The following TSHZ3 variants were observed in gnomAD, a reference collection of about 807,000 sequenced individuals.
TSHZ3 encodes teashirt zinc finger homeobox 3.
Under a neutral mutation model 64.5 loss-of-function variants are expected in TSHZ3, and 10 were observed. The observed-to-expected ratio is 0.16, with a 90% CI of 0.10 to 0.26. TSHZ3 has a LOEUF of 0.26. Ranked by LOEUF, TSHZ3 falls within the 10% of genes least tolerant of loss-of-function variation. The pLI is 1.00. For synonymous variants in TSHZ3, 608 were observed against 593.1 expected, an observed-to-expected ratio of 1.03 and a Z score of -0.36; for missense variants, 1,242 against 1,421.7, an observed-to-expected ratio of 0.87 and a Z score of 2.03.
At chr19:31,318,876 A>G (rs1353654317) in intron 1 of TSHZ3, among the ~76,000 whole-genome samples, 2 of 152,210 alleles carry the variant, frequency 1.3e-5, no homozygotes, top group Non-Finnish European at 2.9e-5. Context: ...CCGGTCACCA[A>G]TACTGTGGCA....
intron 1 of TSHZ3, among the ~76,000 whole-genome samples, chr19:31,295,624 G>T (rs1050691037): frequency 2.6e-5 from 4 of 152,140 alleles, no homozygotes; most frequent in Non-Finnish European, 5.9e-5. Flanking sequence ...GTGGTGGCTG[G>T]GGAAGGGCTG....
intron 1 of TSHZ3, among the ~76,000 whole-genome samples, chr19:31,243,202 A>G (rs181470926): frequency 6.8e-4 from 104 of 152,362 alleles, no homozygotes; most frequent in African/African-American, 2.4e-3. Context: ...ATATGGATTA[A>G]GAGAAGTATA....
intron 5 of TSHZ3, among the ~76,000 whole-genome samples, chr19:31,196,740 G>A (rs1438639800): frequency 6.6e-6 from 1 of 151,926 alleles, no homozygotes; most frequent in African/African-American, 2.4e-5. Context: ...AATGATGAAG[G>A]AGTCAATTCT....
At chr19:31,236,162 C>A (rs759681878) in intron 3 of TSHZ3, among the ~76,000 whole-genome samples, 1 of 152,146 alleles carries the variant, frequency 6.6e-6, no homozygotes, top group East Asian at 1.9e-4. Flanking sequence ...CTAGGTCATG[C>A]GACAGGTCTA....
chr19:31,263,398 C>T (rs1976007161), intron 1 of TSHZ3, among the ~76,000 whole-genome samples: 2 of 152,154 alleles, frequency 1.3e-5, no homozygotes, highest in Admixed American at 6.5e-5. Flanking sequence ...GACAGCAGCC[C>T]CTCTCCTCTT....
At chr19:31,223,226 A>G (rs1002592532) in intron 4 of TSHZ3, among the ~76,000 whole-genome samples, 5 of 152,302 alleles carry the variant, frequency 3.3e-5, no homozygotes, top group African/African-American at 1.2e-4. Flanking sequence ...ATAAGAATCA[A>G]AGGTTTACCA....
At chr19:31,308,581 G>T in intron 1 of TSHZ3, 1 of 398,340 alleles carries the variant, frequency 2.5e-6, no homozygotes, top group South Asian at 1.3e-4. Flanking sequence ...AGGTTTCGGA[G>T]CTCTGGGGTT....
chr19:31,255,796 T>A (rs1484179075), intron 1 of TSHZ3, among the ~76,000 whole-genome samples: 1 of 152,170 alleles, frequency 6.6e-6, no homozygotes, highest in Non-Finnish European at 1.5e-5. Context: ...GGGCATCTCA[T>A]GGCCTCTACA....
intron 3 of TSHZ3, among the ~76,000 whole-genome samples, chr19:31,230,645 G>A (rs950896740): frequency 1.3e-5 from 2 of 151,036 alleles, no homozygotes; most frequent in Non-Finnish European, 2.9e-5. Context: ...TCAGGGCCAC[G>A]GTCCTGGAGT....
At chr19:31,179,691 G>A (rs985512243) in intron 5 of TSHZ3, among the ~76,000 whole-genome samples, 1 of 151,166 alleles carries the variant, frequency 6.6e-6, no homozygotes, top group Non-Finnish European at 1.5e-5. Context: ...AGTGATAATT[G>A]TGGTGGTGGT....
intron 1 of TSHZ3, among the ~76,000 whole-genome samples, chr19:31,319,431 T>TGA (rs1011716951): frequency 3.7e-4 from 56 of 152,314 alleles, no homozygotes; most frequent in Non-Finnish European, 4.4e-5. Flanking sequence ...GATCACTTGG[T>TGA]GAGACACAAA....
chr19:31,178,875 C>A (rs1332869578), intron 5 of TSHZ3, among the ~76,000 whole-genome samples: 2 of 152,126 alleles, frequency 1.3e-5, no homozygotes, highest in Non-Finnish European at 2.9e-5. Flanking sequence ...GATGCAAACA[C>A]CACGTGCTTC....
chr19:31,199,816 T>C (rs953508670), intron 5 of TSHZ3, among the ~76,000 whole-genome samples: 6 of 140,668 alleles, frequency 4.3e-5, no homozygotes, highest in African/African-American at 1.6e-4. Context: ...GCAAAAGACA[T>C]ATCTGATAGA....
At chr19:31,311,765 C>A (rs904801333) in intron 1 of TSHZ3, among the ~76,000 whole-genome samples, 1 of 152,088 alleles carries the variant, frequency 6.6e-6, no homozygotes, top group Non-Finnish European at 1.5e-5. Flanking sequence ...TCTCTGTTGC[C>A]CAGGCTGGAG....
chr19:31,240,874 G>A (rs1231035888), intron 3 of TSHZ3, among the ~76,000 whole-genome samples: 2 of 151,836 alleles, frequency 1.3e-5, no homozygotes, highest in African/African-American at 4.8e-5. Context: ...TTGATTTTTT[G>A]TATAGTTTAC....
intron 5 of TSHZ3, among the ~76,000 whole-genome samples, chr19:31,173,220 T>C (rs1398588061): frequency 6.6e-6 from 1 of 152,182 alleles, no homozygotes; most frequent in African/African-American, 2.4e-5. Flanking sequence ...TGTGGAAATA[T>C]TCTAAAGGCA....
chr19:31,219,816 T>C (rs1975376203), intron 4 of TSHZ3, among the ~76,000 whole-genome samples: 1 of 149,206 alleles, frequency 6.7e-6, no homozygotes, highest in Non-Finnish European at 1.5e-5. Flanking sequence ...TGTATATATA[T>C]AAAAAATATA....
intron 6 of TSHZ3, among the ~76,000 whole-genome samples, chr19:31,152,759 T>C (rs1410421134): frequency 6.6e-6 from 1 of 152,148 alleles, no homozygotes; most frequent in Non-Finnish European, 1.5e-5. Context: ...CTGTGCTTCC[T>C]TGCTGTGAAA....
At chr19:31,241,549 T>C (rs1479892004) in intron 3 of TSHZ3, among the ~76,000 whole-genome samples, 1 of 152,216 alleles carries the variant, frequency 6.6e-6, no homozygotes, top group Non-Finnish European at 1.5e-5. Flanking sequence ...GTAATCTCCA[T>C]GCACGTGCAG....
Sources: allele counts gnomAD v4.1 joint callset (sites outside exome capture counted in the v4.1 genomes callset), GRCh38; gene constraint gnomAD v4.1.1; transcripts MANE v1.5; gene names NCBI Gene and HGNC (gene_info 2026-07-23, HGNC 2026-07-21).